The following SNX29 variants were observed in gnomAD, a reference collection of about 807,000 sequenced individuals.
SNX29 encodes sorting nexin-29.
SNX29 carries 78 observed loss-of-function variants against 102.1 expected under a neutral mutation model. That is an observed-to-expected ratio of 0.76 (90% CI 0.64 to 0.92). The LOEUF (loss-of-function observed/expected upper bound fraction) is 0.92, where lower values mean the gene tolerates loss of function less well. SNX29 is among the 40% of genes least tolerant of loss of function. The pLI is 0.00. For missense variants in SNX29, 1,280 were observed against 1,061.7 expected (o/e 1.21, Z -2.86); for synonymous variants, 580 against 414.5 (o/e 1.40, Z -4.85).
At chr16:12,332,925 C>T (rs964490757) in intron 15 of SNX29, among the ~76,000 whole-genome samples, 1 of 152,066 alleles carries the variant, frequency 6.6e-6, no homozygotes, top group Admixed American at 6.6e-5. Flanking sequence ...CGCTTTGAGA[C>T]CCTCATGGCC....
chr16:12,202,657 C>G (rs1869846497), intron 14 of SNX29, among the ~76,000 whole-genome samples: 1 of 152,112 alleles, frequency 6.6e-6, no homozygotes, highest in African/African-American at 2.4e-5. Context: ...GGAAGTTTCA[C>G]TTATGAAAGT....
intron 20 of SNX29, among the ~76,000 whole-genome samples, chr16:12,563,179 G>A (rs893876359): frequency 1.4e-5 from 2 of 140,186 alleles, no homozygotes; most frequent in African/African-American, 5.5e-5. Context: ...GCTCAGGGAT[G>A]TCACTTCCCA....
At chr16:12,550,807 AAT>A (rs1434446725) in intron 20 of SNX29, among the ~76,000 whole-genome samples, 1 of 152,152 alleles carries the variant, frequency 6.6e-6, no homozygotes, top group African/African-American at 2.4e-5. Flanking sequence ...GGGAGCCAAG[AAT>A]ATGTGTTAAT....
chr16:12,520,609 A>C (rs908610875), intron 19 of SNX29, among the ~76,000 whole-genome samples: 1 of 152,226 alleles, frequency 6.6e-6, no homozygotes, highest in Admixed American at 6.5e-5. Context: ...ATGGAATACT[A>C]TCAGCCATAA....
intron 8 of SNX29, among the ~76,000 whole-genome samples, chr16:12,058,549 A>G (rs1259054930): frequency 7.6e-6 from 1 of 131,594 alleles, no homozygotes; most frequent in Admixed American, 8.7e-5. Context: ...GCTGGAGTGC[A>G]GTGGCGGGAT....
In SNX29 at chr16:12,568,179, A is replaced by C. The variant is rs548501467; in HGVS notation, c.2319-327A>C. On this transcript the variant is annotated intron_variant, in intron 20 of 20. Transcript: ENST00000566228. Reference sequence around the variant, plus strand: ...GCGTACCTTTGCTGGAAAATCAAGGAAAATGTGGGGAAGAAAGCTGTGCCT... The same window carrying C: ...GCGTACCTTTGCTGGAAAATCAAGGCAAATGTGGGGAAGAAAGCTGTGCCT... Among the ~76,000 whole-genome samples, 20 of 152,194 alleles carry C rather than the reference A, an allele frequency of 1.3e-4. No individual in the cohort carries two copies. The South Asian group carries it at 3.7e-3, about 28-fold the overall frequency.
intron 14 of SNX29, among the ~76,000 whole-genome samples, chr16:12,265,823 G>A (rs1003453219): frequency 6.6e-6 from 1 of 151,798 alleles, no homozygotes; most frequent in Non-Finnish European, 1.5e-5. Flanking sequence ...TGGGGAGGTC[G>A]AGACTGCAGT....
chr16:12,558,521 C>T (rs912910619), intron 20 of SNX29, among the ~76,000 whole-genome samples: 3 of 152,226 alleles, frequency 2.0e-5, no homozygotes, highest in South Asian at 2.1e-4. Context: ...CTGTTTACCC[C>T]AGGGATGCAC....
intron 10 of SNX29, among the ~76,000 whole-genome samples, chr16:12,075,167 C>G (rs1258490771): frequency 6.6e-6 from 1 of 152,236 alleles, no homozygotes; most frequent in Non-Finnish European, 1.5e-5. Flanking sequence ...CTCAACTCGT[C>G]AAAGTCATTC....
chr16:12,306,968 A>G lies in SNX29; in HGVS notation c.1782+28932A>G, dbSNP rs114531964. On this transcript the variant is annotated intron_variant, in intron 15 of 20. Coordinates refer to ENST00000566228, the MANE Select transcript of SNX29 (RefSeq NM_032167.5). Reference sequence around the variant, plus strand: ...TGCCTGCACCCCCTTGTGCAGGGAAAGGGTGTGAGGGAAGTAGAGTCATCC... The same window carrying G: ...TGCCTGCACCCCCTTGTGCAGGGAAGGGGTGTGAGGGAAGTAGAGTCATCC... Among the ~76,000 whole-genome samples the G allele has an allele frequency of 5.0e-3, 766 of 152,282 alleles. 9 individuals carry two copies. Among genetic ancestry groups the G allele is most frequent in the African/African-American group, 0.017 (723 of 41,566 alleles).
chr16:12,542,082 C>T (rs566367574), intron 20 of SNX29, among the ~76,000 whole-genome samples: 41 of 152,016 alleles, frequency 2.7e-4, no homozygotes, highest in Non-Finnish European at 5.1e-4. Context: ...AGTCCAAATC[C>T]TGCAATATTG....
chr16:12,399,203 A>G (rs2151495319), intron 17 of SNX29, among the ~76,000 whole-genome samples: 1 of 152,168 alleles, frequency 6.6e-6, no homozygotes, highest in South Asian at 2.1e-4. Context: ...GGCACACACC[A>G]CCACGCCTGG....
chr16:12,140,680 G>A (rs1022616416), intron 13 of SNX29, among the ~76,000 whole-genome samples: 1 of 152,144 alleles, frequency 6.6e-6, no homozygotes, highest in African/African-American at 2.4e-5. Flanking sequence ...CTGTCTTGGT[G>A]GGTGAAATCT....
At chr16:12,563,297 A>C (rs376752616) in intron 20 of SNX29, among the ~76,000 whole-genome samples, 7 of 152,088 alleles carry the variant, frequency 4.6e-5, no homozygotes, top group African/African-American at 1.5e-4. Context: ...CACAGCTCGG[A>C]AAGTCTGCTT....
intron 18 of SNX29, among the ~76,000 whole-genome samples, chr16:12,444,947 G>A (rs1038199710): frequency 1.3e-5 from 2 of 150,978 alleles, no homozygotes; most frequent in African/African-American, 4.9e-5. Flanking sequence ...TGCCTCCTGA[G>A]TTCAAGGGGT....
intron 20 of SNX29, among the ~76,000 whole-genome samples, chr16:12,538,642 G>T (rs895040020): frequency 6.6e-6 from 1 of 152,062 alleles, no homozygotes; most frequent in Non-Finnish European, 1.5e-5. Context: ...GGAAAAACTG[G>T]GCTGTGAAAC....
intron 13 of SNX29, among the ~76,000 whole-genome samples, chr16:12,163,495 A>G (rs1056194934): frequency 2.0e-5 from 3 of 152,186 alleles, no homozygotes; most frequent in Non-Finnish European, 4.4e-5. Context: ...GTGGTGGGTC[A>G]TTATCCTCTA....
intron 13 of SNX29, among the ~76,000 whole-genome samples, chr16:12,138,523 A>C (rs2054747246): frequency 6.6e-6 from 1 of 152,114 alleles, no homozygotes; most frequent in Non-Finnish European, 1.5e-5. Flanking sequence ...CTGTTTTATG[A>C]AGCCCACATT....
At chr16:12,423,423 C>T (rs2084943557) in intron 18 of SNX29, among the ~76,000 whole-genome samples, 1 of 152,180 alleles carries the variant, frequency 6.6e-6, no homozygotes, top group Non-Finnish European at 1.5e-5. Context: ...CATCACTCAG[C>T]TCAGAGCCTC....
Sources: allele counts gnomAD v4.1 joint callset (sites outside exome capture counted in the v4.1 genomes callset), GRCh38; gene constraint gnomAD v4.1.1; transcripts MANE v1.5; gene names NCBI Gene and HGNC (gene_info 2026-07-23, HGNC 2026-07-21).